The following PACS1 variants were observed in gnomAD, a reference collection of about 807,000 sequenced individuals.
The protein encoded by PACS1 is phosphofurin acidic cluster sorting protein 1, also known as PACS-1.
Under a neutral mutation model 115.0 loss-of-function variants are expected in PACS1, and 24 were observed. The ratio of observed to expected loss-of-function variants is 0.21; its 90% confidence interval spans 0.15 to 0.29. The LOEUF (loss-of-function observed/expected upper bound fraction) is 0.29, where lower values mean the gene tolerates loss of function less well. PACS1 is among the 10% of genes least tolerant of loss of function. PACS1 has a pLI of 1.00. For missense variants in PACS1, 838 were observed against 1,251.2 expected (o/e 0.67, Z 4.98); for synonymous variants, 453 against 504.5 (o/e 0.90, Z 1.37).
At chr11:66,194,369 T>A (rs561933) in intron 2 of PACS1, among the ~76,000 whole-genome samples, 2 of 152,212 alleles carry the variant, frequency 1.3e-5, no homozygotes, top group African/African-American at 2.4e-5. Flanking sequence ...TAAATCCCAC[T>A]TATAACTCCT....
intron 1 of PACS1, among the ~76,000 whole-genome samples, chr11:66,166,241 G>A (rs1565131026): frequency 1.3e-5 from 2 of 152,026 alleles, no homozygotes; most frequent in Non-Finnish European, 2.9e-5. Context: ...TCTGCCTCCC[G>A]GGTTCAAGCA....
At chr11:66,120,852 C>G (rs1049552404) in intron 1 of PACS1, among the ~76,000 whole-genome samples, 2 of 152,212 alleles carry the variant, frequency 1.3e-5, no homozygotes, top group Non-Finnish European at 2.9e-5. Flanking sequence ...CTTCCCTGTT[C>G]TCCTAACTTA....
chr11:66,170,576 T>C (rs1859712268), intron 1 of PACS1, among the ~76,000 whole-genome samples: 1 of 150,140 alleles, frequency 6.7e-6, no homozygotes, highest in Admixed American at 6.6e-5. Context: ...TTCTTATTAC[T>C]GATTTCTAAT....
chr11:66,184,334 AAAAAG>A (rs1438789608), intron 1 of PACS1, among the ~76,000 whole-genome samples: 5 of 151,348 alleles, frequency 3.3e-5, no homozygotes, highest in East Asian at 3.9e-4. Flanking sequence ...AAAAAAAAAA[AAAAAG>A]AGATGAGAGG....
At chr11:66,172,995 G>A (rs1859774204) in intron 1 of PACS1, among the ~76,000 whole-genome samples, 1 of 148,560 alleles carries the variant, frequency 6.7e-6, no homozygotes, top group Non-Finnish European at 1.5e-5. Flanking sequence ...AAAAAAAAGT[G>A]TTATCAGTAT....
intron 2 of PACS1, among the ~76,000 whole-genome samples, chr11:66,196,544 G>A (rs1489137591): frequency 6.6e-6 from 1 of 152,166 alleles, no homozygotes; most frequent in Non-Finnish European, 1.5e-5. Context: ...CCTTAAAATT[G>A]AACAGAGTTA....
chr11:66,087,231 C>G (rs1420244988), intron 1 of PACS1, among the ~76,000 whole-genome samples: 1 of 151,530 alleles, frequency 6.6e-6, no homozygotes, highest in Non-Finnish European at 1.5e-5. Flanking sequence ...CAAAAGAACA[C>G]TTGTTTTTTT....
intron 1 of PACS1, among the ~76,000 whole-genome samples, chr11:66,192,110 A>G (rs147538781): frequency 9.9e-5 from 15 of 152,208 alleles, no homozygotes; most frequent in Admixed American, 9.8e-4. Context: ...CCTTTAAAAA[A>G]AAAACAAAAC....
chr11:66,242,181 G>A (rs1276411336), intron 22 of PACS1, among the ~76,000 whole-genome samples: 8 of 152,226 alleles, frequency 5.3e-5, no homozygotes, highest in African/African-American at 1.7e-4. Flanking sequence ...CTGTGCGTGG[G>A]AGTGAGGCAG....
chr11:66,234,336 C>A, intron 17 of PACS1, 94 bp downstream of exon 17: 1 of 813,140 alleles, frequency 1.2e-6, no homozygotes, highest in South Asian at 1.3e-5. Flanking sequence ...CTGCTTTCCT[C>A]CCTGCAGCTC....
chr11:66,073,921 T>G (rs948893943), intron 1 of PACS1, among the ~76,000 whole-genome samples: 14 of 147,830 alleles, frequency 9.5e-5, no homozygotes, highest in Non-Finnish European at 1.9e-4. Context: ...CCTGGCTTTT[T>G]TTTTTTTTTT....
Position 66,236,690 on chromosome 11 carries a change from A to G in PACS1, c.2250+750A>G, listed in dbSNP as rs1364807289. The stretch of plus-strand genomic sequence containing the variant: ...AGAGGCCAGAGCATGGCACCGGAGC[A>G]GGACTGAAAACTCCGATTTCCACTT... On this transcript the variant is annotated intron_variant, in intron 19 of 23. Transcript: ENST00000320580. This position sits in a 1 kb window ranked among gnomAD's most constrained non-coding sequence, Gnocchi z 4.2. Among the ~76,000 whole-genome samples the G allele has an allele frequency of 6.6e-6, 1 of 152,150 alleles. No homozygotes were observed. Among genetic ancestry groups the G allele is most frequent in the Non-Finnish European group, 1.5e-5 (1 of 68,014 alleles).
intron 1 of PACS1, among the ~76,000 whole-genome samples, chr11:66,148,979 A>G (rs541735633): frequency 3.9e-5 from 6 of 152,290 alleles, no homozygotes; most frequent in African/African-American, 7.2e-5. Context: ...TTAACATGGA[A>G]AGGTGTCCAC....
At position 66,217,097 on chromosome 11, in the gene PACS1, A is replaced by G. The variant is rs538276411; in HGVS notation, c.978+322A>G. On this transcript the variant is annotated intron_variant, in intron 7 of 23. Coordinates refer to ENST00000320580, the MANE Select transcript of PACS1 (RefSeq NM_018026.4). ...TCCCACCCACTCCAGTGGCTGCTTC[A>G]TGTCACATGCTGTCCTCTGCAGCGA... 7.8e-6 allele frequency: 3 copies of G among 382,320 alleles called. No homozygotes were observed. In the South Asian group the frequency reaches 8.2e-5, roughly 10 times the overall value. 23.7% of individuals were successfully genotyped at this position (382,320 alleles called of 1,614,324 possible).
chr11:66,090,005 C>CAAAAAAAAAAA (rs33912143), intron 1 of PACS1, among the ~76,000 whole-genome samples: 1 of 80,578 alleles, frequency 1.2e-5, no homozygotes, highest in Admixed American at 1.7e-4. Flanking sequence ...GACTCCATCT[C>CAAAAAAAAAAA]AAAAAAAAAA....
intron 2 of PACS1, among the ~76,000 whole-genome samples, chr11:66,200,877 G>C (rs932050966): frequency 1.3e-5 from 2 of 151,272 alleles, no homozygotes; most frequent in South Asian, 4.2e-4. Context: ...TCATTCTCAA[G>C]GATAGGCCAT....
rs993579825 is a variant in PACS1, at chr11:66,233,992, A to T, written c.1993+53A>T. 1.3e-6 allele frequency: 2 copies of T among 1,570,496 alleles called. No individual in the cohort carries two copies. Among genetic ancestry groups the T allele is most frequent in the African/African-American group, 1.3e-5 (1 of 74,126 alleles). Reference sequence around the variant, plus strand: ...TCGGGCATGAGGGTTCCATAGACAGATGCCTCATCTGGAACAGGACGGTGG... The same window carrying T: ...TCGGGCATGAGGGTTCCATAGACAGTTGCCTCATCTGGAACAGGACGGTGG... On this transcript the variant is annotated intron_variant, in intron 16 of 23. Transcript: ENST00000320580. This position sits in a 1 kb window ranked among gnomAD's most constrained non-coding sequence, Gnocchi z 4.5.
Position 66,070,708 on chromosome 11 carries a change from C to T in PACS1, c.222C>T (p.Thr74=), listed in dbSNP as rs2134486695. 1 of 1,579,284 alleles carries T rather than the reference C, an allele frequency of 6.3e-7. No individual in the cohort carries two copies. Among genetic ancestry groups the T allele is most frequent in the Non-Finnish European group, 8.5e-7 (1 of 1,170,338 alleles). The change falls in exon 1 of 24, where the codon ACC becomes ACT. Residue 74 remains threonine, a synonymous_variant. Coordinates refer to ENST00000320580, the MANE Select transcript of PACS1 (RefSeq NM_018026.4). The surrounding 1 kb of genome is among the most constrained non-coding windows in gnomAD (Gnocchi z 5.9). ...AASSSSSSTS[T]SMAVAVASGS... The stretch of plus-strand genomic sequence containing the variant: ...CCTCCTCGTCCTCGTCTACCTCCAC[C>T]TCCATGGCCGTGGCGGTGGCCTCGG...
chr11:66,177,345 C>G (rs1859889973), intron 1 of PACS1, among the ~76,000 whole-genome samples: 1 of 152,100 alleles, frequency 6.6e-6, no homozygotes, highest in South Asian at 2.1e-4. Context: ...CCATGCGCCA[C>G]CATGCCTGGC....
Sources: allele counts gnomAD v4.1 joint callset (sites outside exome capture counted in the v4.1 genomes callset), GRCh38; gene constraint gnomAD v4.1.1; non-coding constraint Gnocchi (gnomAD v3.1); transcripts MANE v1.5; gene names NCBI Gene and HGNC (gene_info 2026-07-23, HGNC 2026-07-21).